PPARD: variants seen among roughly 807,000 people sequenced by gnomAD.
The protein encoded by PPARD is peroxisome proliferator-activated receptor delta.
Under a neutral mutation model 39.5 loss-of-function variants are expected in PPARD, and 6 were observed. The observed-to-expected ratio is 0.15, with a 90% CI of 0.08 to 0.30. PPARD has a LOEUF of 0.30. PPARD is among the 10% of genes least tolerant of loss of function. The pLI is 1.00. For missense variants in PPARD, 397 were observed against 596.8 expected, an observed-to-expected ratio of 0.67 and a Z score of 3.49; for synonymous variants, 210 against 231.3, an observed-to-expected ratio of 0.91 and a Z score of 0.83.
chr6:35,411,167 C>T lies in PPARD; in HGVS notation c.80C>T (p.Pro27Leu), dbSNP rs1765399712. 1 of 1,574,172 alleles carries T rather than the reference C, an allele frequency of 6.4e-7. No homozygotes were observed. The highest frequency in any genetic ancestry group is 8.6e-7 in the Non-Finnish European group (1 of 1,158,572). ...KEEVAEAEGA[P>L]ELNGGPQHAL... ...GAAGTGGCAGAGGCAGAAGGAGCCC[C>T]AGAGCTCAATGGGGGACCACAGCAT... Residue 27 changes from proline to leucine, a missense_variant, in exon 3 of 8, where the codon CCA (proline) becomes CTA (leucine). Pro to Leu is a moderately conservative substitution (Grantham distance 98, BLOSUM62 -3). Transcript: ENST00000360694.
At chr6:35,423,901 G>A (rs779782459) in intron 5 of PPARD, 45 bp from the exon 6 acceptor site, 1 of 1,596,754 alleles carries the variant, frequency 6.3e-7, no homozygotes, top group Admixed American at 1.7e-5. Flanking sequence ...CAGAGGTGCT[G>A]GGGCCTGCCT....
intron 2 of PPARD, among the ~76,000 whole-genome samples, chr6:35,349,725 A>G (rs2150427011): frequency 6.6e-6 from 1 of 150,378 alleles, no homozygotes; most frequent in Middle Eastern, 3.4e-3. Context: ...TAGTAGGTGT[A>G]TATTTCTTTT....
At chr6:35,362,245 C>T (rs951563192) in intron 2 of PPARD, among the ~76,000 whole-genome samples, 2 of 152,062 alleles carry the variant, frequency 1.3e-5, no homozygotes, top group East Asian at 1.9e-4. Context: ...GCTTGTCCTC[C>T]GACCTCCTCT....
At position 35,343,061 on chromosome 6, in the gene PPARD, G is replaced by A. The variant is rs565469524; in HGVS notation, c.-186+380G>A. On this transcript the variant is annotated intron_variant, in intron 1 of 7. Transcript: ENST00000360694. Reference sequence around the variant, plus strand: ...GGGGCCTCTCCCATTCCCCTCCCCTGCCTCTGACCTCTTCCTTCACCCGTT... The same window carrying A: ...GGGGCCTCTCCCATTCCCCTCCCCTACCTCTGACCTCTTCCTTCACCCGTT... Among the ~76,000 whole-genome samples the A allele has an allele frequency of 2.0e-5, 3 of 152,210 alleles. No individual in the cohort carries two copies. The South Asian group carries it at 6.2e-4, about 32-fold the overall frequency.
chr6:35,418,542 T>C (rs1337489488), intron 3 of PPARD, among the ~76,000 whole-genome samples: 1 of 152,214 alleles, frequency 6.6e-6, no homozygotes, highest in Non-Finnish European at 1.5e-5. Context: ...GGCCCTTTTG[T>C]CTAGTGGGTG....
intron 2 of PPARD, among the ~76,000 whole-genome samples, chr6:35,395,802 C>T (rs558881087): frequency 1.4e-4 from 21 of 152,286 alleles, no homozygotes; most frequent in Middle Eastern, 3.4e-3. Context: ...TACTGGCTCC[C>T]GGCTCCCAGA....
chr6:35,350,151 A>G (rs1001272643), intron 2 of PPARD, among the ~76,000 whole-genome samples: 7 of 152,136 alleles, frequency 4.6e-5, no homozygotes, highest in Non-Finnish European at 2.9e-5. Flanking sequence ...TATTCTTGTT[A>G]TTAACCCCTT....
chr6:35,398,006 C>T (rs1309281069), intron 2 of PPARD, among the ~76,000 whole-genome samples: 8 of 152,084 alleles, frequency 5.3e-5, no homozygotes, highest in Non-Finnish European at 8.8e-5. Context: ...CCTGCTGTGT[C>T]GAGACCAGCA....
chr6:35,360,784 C>T (rs773390242), intron 2 of PPARD, among the ~76,000 whole-genome samples: 5 of 152,228 alleles, frequency 3.3e-5, no homozygotes, highest in East Asian at 1.9e-4. Context: ...TTGCCATCCC[C>T]GATTTATTTT....
intron 2 of PPARD, among the ~76,000 whole-genome samples, chr6:35,353,328 A>G: frequency 6.6e-6 from 1 of 152,198 alleles, no homozygotes; most frequent in Middle Eastern, 3.2e-3. Flanking sequence ...ATTCTTCTTC[A>G]CATTAAATCT....
chr6:35,418,784 G>A (rs558155245), intron 3 of PPARD, among the ~76,000 whole-genome samples: 2 of 152,190 alleles, frequency 1.3e-5, no homozygotes, highest in South Asian at 4.1e-4. Flanking sequence ...CCAGAGACTT[G>A]TGTTACCCCT....
At chr6:35,399,469 G>A (rs568180243) in intron 2 of PPARD, among the ~76,000 whole-genome samples, 121 of 150,308 alleles carry the variant, frequency 8.1e-4, no homozygotes, top group African/African-American at 2.8e-3. Flanking sequence ...ACTTTGAGAT[G>A]CCAAGGCGGG....
intron 2 of PPARD, among the ~76,000 whole-genome samples, chr6:35,349,769 C>G (rs1393480543): frequency 6.6e-6 from 1 of 151,182 alleles, no homozygotes; most frequent in Admixed American, 6.6e-5. Context: ...GAGATGGAAT[C>G]TTGCTCTTGT....
Position 35,420,114 on chromosome 6 carries a change from C to T in PPARD, c.131-13C>T, listed in dbSNP as rs376190246. ...GCAGCATGTGGAGCTGCCCCTCCATCGTGTGTCCGCAGACCTCTCCCGGAG... is the reference window on the plus strand; with the variant it reads ...GCAGCATGTGGAGCTGCCCCTCCATTGTGTGTCCGCAGACCTCTCCCGGAG... On this transcript the variant is annotated splice_polypyrimidine_tract_variant and intron_variant, in intron 3 of 7. Transcript: ENST00000360694. 2.2e-5 allele frequency: 35 copies of T among 1,609,524 alleles called. No homozygotes were observed. The highest frequency in any genetic ancestry group is 6.7e-5 in the Admixed American group (4 of 59,780).
At chr6:35,355,166 G>A (rs898402570) in intron 2 of PPARD, among the ~76,000 whole-genome samples, 2 of 152,120 alleles carry the variant, frequency 1.3e-5, no homozygotes, top group Admixed American at 6.6e-5. Context: ...ATTCAGGGGA[G>A]TGCGTTGCAG....
At chr6:35,373,387 G>C (rs1328994175) in intron 2 of PPARD, among the ~76,000 whole-genome samples, 1 of 152,164 alleles carries the variant, frequency 6.6e-6, no homozygotes, top group African/African-American at 2.4e-5. Context: ...ACCAGCTTCT[G>C]CTGTGGAGAG....
chr6:35,417,066 C>T (rs1370117864), intron 3 of PPARD, among the ~76,000 whole-genome samples: 5 of 152,196 alleles, frequency 3.3e-5, no homozygotes, highest in African/African-American at 1.2e-4. Context: ...CAACCTGGAC[C>T]TCCCAGGCTC....
intron 5 of PPARD, among the ~76,000 whole-genome samples, chr6:35,423,654 CTAGCGTAGCTCAGTCACTCAGTAAGT>C (rs1766361244): frequency 6.6e-6 from 1 of 152,144 alleles, no homozygotes; most frequent in Non-Finnish European, 1.5e-5. Context: ...CTTACCCCAG[CTAGCGTAGCTCAGTCACTCAGTAAGT>C]TAGAGTCCTT....
At chr6:35,364,678 A>G (rs370139797) in intron 2 of PPARD, among the ~76,000 whole-genome samples, 15 of 149,568 alleles carry the variant, frequency 1.0e-4, no homozygotes, top group African/African-American at 2.2e-4. Context: ...ACCTCAGGCA[A>G]TCTCCCCGCC....
Sources: allele counts gnomAD v4.1 joint callset (sites outside exome capture counted in the v4.1 genomes callset), GRCh38; gene constraint gnomAD v4.1.1; transcripts MANE v1.5; gene names NCBI Gene and HGNC (gene_info 2026-07-23, HGNC 2026-07-21).